The following TRPM5 variants were observed in gnomAD, a reference collection of about 807,000 sequenced individuals.
The protein encoded by TRPM5 is MLSN1 and TRP-related.
Under a neutral mutation model 124.9 loss-of-function variants are expected in TRPM5, and 121 were observed. The observed-to-expected ratio is 0.97, with a 90% CI of 0.84 to 1.13. The LOEUF is 1.13. Among genes scored for constraint, TRPM5 ranks in the 50% most tolerant of loss-of-function variants. TRPM5 has a pLI of 0.00. For synonymous variants in TRPM5, 781 were observed against 700.5 expected (o/e 1.11, Z -1.81); for missense variants, 1,643 against 1,589.1 (o/e 1.03, Z -0.58).
Position 2,415,489 on chromosome 11 carries a change from C to T in TRPM5, c.1129-18G>A. Reference sequence around the variant, plus strand: ...TCACAGGACTTGGCGGCCATGGGCACCCGAGGGAAGGGGGACAAGAGAGTG... The same window carrying T: ...TCACAGGACTTGGCGGCCATGGGCATCCGAGGGAAGGGGGACAAGAGAGTG... On this transcript the variant is annotated intron_variant, in intron 8 of 23. Transcript: ENST00000155858. 6.6e-7 allele frequency: 1 copy of T among 1,515,080 alleles called. No individual in the cohort carries two copies. The highest frequency in any genetic ancestry group is 1.4e-5 in the African/African-American group (1 of 72,532). The allele number at this position is 1,515,080 out of a possible 1,614,324, so 93.9% of individuals were successfully genotyped here.
At chr11:2,404,824 TG>T (rs914176791) in exon 24 of TRPM5, 11 of 811,486 alleles carry the variant, frequency 1.4e-5, no homozygotes, top group Non-Finnish European at 2.0e-5. Context: ...CATTGTCTGC[TG>T]GGGGGCTGGT....
At chr11:2,427,928 C>T (rs928227470), upstream of TRPM5, among the ~76,000 whole-genome samples, 2 of 152,192 alleles carry the variant, frequency 1.3e-5, no homozygotes, top group Non-Finnish European at 2.9e-5. Flanking sequence ...CGTGGGGCAT[C>T]GGCCCCCATG....
chr11:2,433,059 G>A, the TRPM5 span, among the ~76,000 whole-genome samples: 9 of 152,346 alleles, frequency 5.9e-5, no homozygotes, highest in South Asian at 2.1e-4. Flanking sequence ...TCCCTGGCCC[G>A]GGCAGCGCCT....
chr11:2,412,620 G>T, intron 15 of TRPM5, 134 bp downstream of exon 20: 1 of 992,284 alleles, frequency 1.0e-6, no homozygotes, highest in Non-Finnish European at 1.4e-6. Flanking sequence ...GCTGGTGACT[G>T]GGAAGATGGG....
upstream of TRPM5, chr11:2,423,111 G>A: frequency 3.2e-6 from 4 of 1,262,120 alleles, no homozygotes; most frequent in Non-Finnish European, 4.4e-6. Flanking sequence ...CCTCCCCTCA[G>A]GGGGCTGGCT....
chr11:2,421,150 A>G, exon 3 of TRPM5: 1 of 1,542,626 alleles, frequency 6.5e-7, no homozygotes, highest in Non-Finnish European at 8.7e-7. Context: ...GGCCTGCCCG[A>G]CATGCCTGGC....
chr11:2,407,992 G>A (rs1407667444), intron 18 of TRPM5, 80 bp from the exon 24 acceptor site: 22 of 1,544,122 alleles, frequency 1.4e-5, no homozygotes, highest in South Asian at 9.8e-5. Flanking sequence ...GAGATAGAGC[G>A]CTGAGTCCTG....
upstream of TRPM5, among the ~76,000 whole-genome samples, chr11:2,425,025 G>A (rs1043530108): frequency 6.6e-6 from 1 of 152,206 alleles, no homozygotes; most frequent in Admixed American, 6.5e-5. Flanking sequence ...GAACCAGCCC[G>A]CGGACCGCAG....
intron 4 of TRPM5, among the ~76,000 whole-genome samples, 178 bp from the exon 10 acceptor site, chr11:2,418,769 G>A (rs139928557): frequency 6.6e-6 from 1 of 152,326 alleles, no homozygotes; most frequent in African/African-American, 2.4e-5. Flanking sequence ...TATGAGGGCC[G>A]AGGGCTCCAA....
At chr11:2,414,247 G>C in intron 11 of TRPM5, 41 bp from the exon 17 acceptor site, 2 of 1,578,048 alleles carry the variant, frequency 1.3e-6, no homozygotes, top group South Asian at 1.2e-5. Flanking sequence ...AGACGCCGAT[G>C]CCCGGCCCGG....
In TRPM5 at chr11:2,414,659, C is replaced by T. The variant is rs898436144; in HGVS notation, c.1744+56G>A. ...CGAGGCCCAGGACCCTTCGTCCGAC[C>T]CCTCCGTCACATCCTCCCCCGCGCG... On this transcript the variant is annotated intron_variant, in intron 11 of 23. Transcript: ENST00000155858. The T allele has an allele frequency of 4.7e-6, 7 of 1,479,272 alleles. No homozygotes were observed. The African/African-American group carries it at 7.3e-5, about 15-fold the overall frequency. 91.6% of individuals were successfully genotyped at this position (1,479,272 alleles called of 1,614,324 possible). A position where few individuals can be genotyped will look rare whatever the true frequency, so the allele number is the denominator to read the frequency against.
rs933712117 is a variant in TRPM5 at position 2,414,702 on chromosome 11, G to A, written c.1744+13C>T. 1.3e-6 allele frequency: 2 copies of A among 1,528,512 alleles called. No individual in the cohort carries two copies. The highest frequency in any genetic ancestry group is 1.8e-6 in the Non-Finnish European group (2 of 1,137,850). 94.7% of individuals were successfully genotyped at this position (1,528,512 alleles called of 1,614,324 possible). A position where few individuals can be genotyped will look rare whatever the true frequency, so the allele number is the denominator to read the frequency against. ...CCCGCGCGCGGGCCCGGCCCCAGCC[G>A]CCGGTCACTCACCAAGGGCCAGCCG... On this transcript the variant is annotated intron_variant, in intron 11 of 23. Transcript: ENST00000155858.
chr11:2,420,152 C>T (rs1261109660), intron 4 of TRPM5, 70 bp downstream of exon 9: 2 of 1,515,622 alleles, frequency 1.3e-6, no homozygotes, highest in Non-Finnish European at 1.8e-6. Context: ...CACCCCCACT[C>T]TCCCACAGGC....
chr11:2,438,936 G>A, the TRPM5 span, among the ~76,000 whole-genome samples: 3 of 152,290 alleles, frequency 2.0e-5, no homozygotes, highest in South Asian at 4.1e-4. The surrounding 1 kb of genome is among the most constrained non-coding windows in gnomAD (Gnocchi z 5.9). Context: ...TAATGTTCAA[G>A]GCGACTATAA....
intron 18 of TRPM5, among the ~76,000 whole-genome samples, chr11:2,408,465 C>T (rs1850369626): frequency 1.3e-5 from 2 of 152,366 alleles, no homozygotes; most frequent in Non-Finnish European, 2.9e-5. Context: ...AGCCAGCAGG[C>T]TCCAGACTGG....
the TRPM5 span, among the ~76,000 whole-genome samples, chr11:2,443,847 G>C: frequency 2.2e-5 from 3 of 135,262 alleles, no homozygotes; most frequent in Non-Finnish European, 4.8e-5. This position sits in a 1 kb window ranked among gnomAD's most constrained non-coding sequence, Gnocchi z 5.0. Context: ...CCTGAGACGT[G>C]CTGAGACCCA....
At position 2,417,722 on chromosome 11, in the gene TRPM5, CTCACCTTTCA is replaced by C; in HGVS notation, c.1004_1009+4del. The C allele has an allele frequency of 1.3e-6, 2 of 1,568,136 alleles. No homozygotes were observed. Among genetic ancestry groups the C allele is most frequent in the Non-Finnish European group, 8.7e-7 (1 of 1,151,142 alleles). ...GCCTGCCTTGCCCACCCTGCCCGCC[CTCACCTTTCA>C]CCAGCGCCTTCAGGATGACCGTGTC... On this transcript the variant is annotated splice_donor_variant and splice_donor_region_variant and coding_sequence_variant and intron_variant, in exon 7 of 24. Transcript: ENST00000155858. LOFTEE classifies it high-confidence loss of function.
intron 12 of TRPM5, 44 bp downstream of exon 17, chr11:2,414,017 A>ACAC: frequency 2.8e-6 from 1 of 357,910 alleles, no homozygotes; most frequent in Non-Finnish European, 5.0e-6. Flanking sequence ...TCGCCCGCCC[A>ACAC]CCCCACCCCC....
the TRPM5 span, among the ~76,000 whole-genome samples, chr11:2,439,215 A>G: frequency 6.6e-6 from 1 of 152,278 alleles, no homozygotes; most frequent in East Asian, 1.9e-4. Flanking sequence ...ACCTCAAACT[A>G]TAAGACTACT....
Sources: gnomAD v4.1 joint callset for allele counts (sites outside exome capture counted in the v4.1 genomes callset) on GRCh38, gnomAD v4.1.1 for gene constraint, Gnocchi (gnomAD v3.1) non-coding constraint, MANE v1.5 for transcripts, NCBI Gene and HGNC (gene_info 2026-07-23, HGNC 2026-07-21) for gene names.